The following MOB3B variants were observed in gnomAD, a reference collection of about 807,000 sequenced individuals.
MOB3B encodes the protein MOB kinase activator 3B, also known as MOB kinase activator-like 2B.
In MOB3B, 7 loss-of-function variants were observed where a neutral mutation model predicts 18.7. The observed-to-expected ratio is 0.37, with a 90% CI of 0.21 to 0.70. MOB3B has a LOEUF of 0.70. Ranked by LOEUF, MOB3B falls within the 30% of genes least tolerant of loss-of-function variation. The pLI, the probability that MOB3B is intolerant of heterozygous loss-of-function variation, is 0.52. For synonymous variants in MOB3B, 111 were observed against 99.9 expected (o/e 1.11, Z -0.66); for missense variants, 253 against 281.3 (o/e 0.90, Z 0.72).
At chr9:27,507,916 C>T (rs1820083941) in intron 1 of MOB3B, among the ~76,000 whole-genome samples, 1 of 152,200 alleles carries the variant, frequency 6.6e-6, no homozygotes, top group African/African-American at 2.4e-5. Flanking sequence ...GCGATTAAAG[C>T]TGGTAATTAC....
intron 2 of MOB3B, among the ~76,000 whole-genome samples, chr9:27,446,669 GT>G (rs1408383788): frequency 6.6e-6 from 1 of 152,170 alleles, no homozygotes; most frequent in Non-Finnish European, 1.5e-5. Flanking sequence ...GGGAACTAAC[GT>G]TTAAAGCTTA....
chr9:27,399,394 G>A (rs1485906183), intron 2 of MOB3B, among the ~76,000 whole-genome samples: 1 of 152,194 alleles, frequency 6.6e-6, no homozygotes, highest in Non-Finnish European at 1.5e-5. Context: ...AGGTGGAAAT[G>A]CAAAAGCCAA....
At position 27,504,432 on chromosome 9, in the gene MOB3B, C is replaced by T. The variant is rs908436210; in HGVS notation, c.-199+25123G>A. Among the ~76,000 whole-genome samples the T allele has an allele frequency of 4.0e-4, 61 of 152,316 alleles. 1 individual carries two copies. The highest frequency in any genetic ancestry group is 1.5e-3 in the African/African-American group (61 of 41,554). On this transcript the variant is annotated intron_variant, in intron 1 of 3. Coordinates refer to ENST00000262244, the MANE Select transcript of MOB3B (RefSeq NM_024761.5). ...AACTGAATGAAGTATGCTCTTCAGC[C>T]CACACTACAAAAATGACAGATGCAT...
chr9:27,461,184 C>T (rs953871045), intron 1 of MOB3B, among the ~76,000 whole-genome samples: 2 of 152,174 alleles, frequency 1.3e-5, no homozygotes, highest in African/African-American at 2.4e-5. Flanking sequence ...ATCGTCCTCC[C>T]ACTTCCCAAA....
rs1285263263 is a variant in MOB3B at position 27,326,623 on chromosome 9, A to G, written c.*3964T>C. On this transcript the variant is annotated 3_prime_UTR_variant, in exon 4 of 4. Transcript: ENST00000262244. ...GGAAGTTACTGGCATGGTTTGAGAGATAGAAGGAATTGATTAAGAAACCTC... is the reference window on the plus strand; with the variant it reads ...GGAAGTTACTGGCATGGTTTGAGAGGTAGAAGGAATTGATTAAGAAACCTC... 1.8e-5 allele frequency: 7 copies of G among 398,348 alleles called. No individual in the cohort carries two copies. Among genetic ancestry groups the G allele is most frequent in the Non-Finnish European group, 3.1e-5 (7 of 225,994 alleles). 24.7% of individuals were successfully genotyped at this position (398,348 alleles called of 1,614,324 possible). A position where few individuals can be genotyped will look rare whatever the true frequency, so the allele number is the denominator to read the frequency against.
intron 2 of MOB3B, 151 bp from the exon 3 acceptor site, chr9:27,359,387 G>C: frequency 4.9e-6 from 3 of 614,622 alleles, no homozygotes; most frequent in Non-Finnish European, 8.4e-6. Flanking sequence ...GTGGGGGGGG[G>C]GGGTTGGTAG....
At chr9:27,414,730 A>G (rs958028951) in intron 2 of MOB3B, among the ~76,000 whole-genome samples, 7 of 152,168 alleles carry the variant, frequency 4.6e-5, no homozygotes, top group East Asian at 3.8e-4. Context: ...TTCCTCCCCA[A>G]TAAGTCAAAT....
chr9:27,352,465 G>T (rs1343500658), intron 3 of MOB3B, among the ~76,000 whole-genome samples: 1 of 151,998 alleles, frequency 6.6e-6, no homozygotes, highest in Non-Finnish European at 1.5e-5. Flanking sequence ...AAGAAATGAA[G>T]TTATTAATTA....
chr9:27,468,901 A>G (rs868039274), intron 1 of MOB3B, among the ~76,000 whole-genome samples: 2 of 152,204 alleles, frequency 1.3e-5, no homozygotes, highest in African/African-American at 4.8e-5. Flanking sequence ...TCCCAGGCCA[A>G]TCTAAACAGC....
chr9:27,499,408 T>C (rs59957083), intron 1 of MOB3B, among the ~76,000 whole-genome samples: 4,808 of 152,294 alleles, frequency 0.032, 100 homozygotes, highest in Middle Eastern at 0.065. Context: ...ACAAATTACT[T>C]CTATAATAGT....
At chr9:27,373,017 G>T (rs367785737) in intron 2 of MOB3B, among the ~76,000 whole-genome samples, 2 of 152,178 alleles carry the variant, frequency 1.3e-5, no homozygotes, top group African/African-American at 4.8e-5. Context: ...TTTATATTAA[G>T]AGTTTATTTA....
chr9:27,529,599 C>T lies in MOB3B; in HGVS notation c.-243G>A. 8.1e-6 allele frequency: 8 copies of T among 985,768 alleles called. No homozygotes were observed. The highest frequency in any genetic ancestry group is 9.6e-6 in the Non-Finnish European group (8 of 830,226). 61.1% of individuals were successfully genotyped at this position (985,768 alleles called of 1,614,324 possible). On this transcript the variant is annotated 5_prime_UTR_variant, in exon 1 of 4. Transcript: ENST00000262244. ...CCCAGGGCCCGGTCGGCTCCCTTCG[C>T]CGGGTCAGCTGCAGCCAGCGCGAAA... is the stretch of plus-strand genomic sequence containing the variant.
chr9:27,430,442 T>C (rs1822400814), intron 2 of MOB3B, among the ~76,000 whole-genome samples: 1 of 152,230 alleles, frequency 6.6e-6, no homozygotes, highest in African/African-American at 2.4e-5. Flanking sequence ...TACCTCATCT[T>C]GGAGGACCAG....
At chr9:27,503,511 C>T (rs1045494476) in intron 1 of MOB3B, among the ~76,000 whole-genome samples, 9 of 152,224 alleles carry the variant, frequency 5.9e-5, no homozygotes, top group Admixed American at 5.2e-4. Flanking sequence ...GCGGCCCTGC[C>T]TTCTCCGTCA....
chr9:27,466,459 C>T (rs1180406111), intron 1 of MOB3B, among the ~76,000 whole-genome samples: 1 of 152,218 alleles, frequency 6.6e-6, no homozygotes, highest in African/African-American at 2.4e-5. Context: ...ATTGTTCCAA[C>T]CTCTGCCTGT....
At chr9:27,493,286 C>T (rs1299602935) in intron 1 of MOB3B, among the ~76,000 whole-genome samples, 2 of 152,250 alleles carry the variant, frequency 1.3e-5, no homozygotes, top group South Asian at 2.1e-4. Flanking sequence ...TATTAGTTCC[C>T]CAAATTAATA....
intron 2 of MOB3B, among the ~76,000 whole-genome samples, chr9:27,451,521 T>C (rs1022928836): frequency 1.3e-5 from 2 of 152,200 alleles, no homozygotes; most frequent in Non-Finnish European, 2.9e-5. Flanking sequence ...CTTTCCTCAA[T>C]GTTTCAATGG....
intron 2 of MOB3B, among the ~76,000 whole-genome samples, chr9:27,441,302 A>G (rs1822591769): frequency 2.0e-5 from 3 of 152,196 alleles, no homozygotes; most frequent in Non-Finnish European, 4.4e-5. Context: ...CATAGATCTG[A>G]GCAACCTTAG....
intron 3 of MOB3B, among the ~76,000 whole-genome samples, chr9:27,354,357 C>A (rs1421242887): frequency 6.6e-6 from 1 of 152,158 alleles, no homozygotes; most frequent in African/African-American, 2.4e-5. Flanking sequence ...CCTGACACAC[C>A]AGGGCACAAA....
Sources: gnomAD v4.1 joint callset for allele counts (sites outside exome capture counted in the v4.1 genomes callset) on GRCh38, gnomAD v4.1.1 for gene constraint, MANE v1.5 for transcripts, NCBI Gene and HGNC (gene_info 2026-07-23, HGNC 2026-07-21) for gene names.